ATP8B4: variants seen among roughly 807,000 people sequenced by gnomAD.
ATP8B4 encodes ATPase phospholipid transporting 8B4 (putative), also known as probable phospholipid-transporting ATPase IM.
ATP8B4 carries 133 observed loss-of-function variants against 145.6 expected under a neutral mutation model. The ratio of observed to expected loss-of-function variants is 0.91; its 90% CI spans 0.79 to 1.05. The LOEUF is 1.05. ATP8B4 is among the 50% of genes least tolerant of loss of function. The probability of loss-of-function intolerance (pLI) is 0.00; values close to 1 mark genes in which losing one functional copy is unlikely to be tolerated. For synonymous variants in ATP8B4, 507 were observed against 492.9 expected (o/e 1.03, Z -0.38); for missense variants, 1,458 against 1,425.2 (o/e 1.02, Z -0.37).
intron 1 of ATP8B4, among the ~76,000 whole-genome samples, chr15:50,162,723 G>A (rs1020090223): frequency 6.6e-6 from 1 of 151,730 alleles, no homozygotes; most frequent in Admixed American, 6.6e-5. Flanking sequence ...AGCCAGGATG[G>A]TCTCGATCTC....
intron 14 of ATP8B4, among the ~76,000 whole-genome samples, chr15:49,939,848 T>C (rs1219179897): frequency 6.6e-6 from 1 of 151,934 alleles, no homozygotes; most frequent in East Asian, 1.9e-4. Context: ...AAAACCACAA[T>C]GAGATACCAT....
chr15:50,002,082 T>G, intron 8 of ATP8B4, 71 bp downstream of exon 8: 2 of 1,288,318 alleles, frequency 1.6e-6, no homozygotes, highest in South Asian at 1.3e-5. Context: ...CAAGGTTAAG[T>G]CTTATCTCTA....
At chr15:50,056,697 A>ATG (rs1299967238) in intron 3 of ATP8B4, among the ~76,000 whole-genome samples, 2 of 140,472 alleles carry the variant, frequency 1.4e-5, no homozygotes, top group African/African-American at 3.0e-5. Flanking sequence ...GTATATGTAT[A>ATG]TGTGTATATA....
At chr15:49,943,477 A>C (rs926253340) in intron 14 of ATP8B4, among the ~76,000 whole-genome samples, 4 of 152,188 alleles carry the variant, frequency 2.6e-5, no homozygotes, top group Non-Finnish European at 5.9e-5. Flanking sequence ...GGAAGAGAAA[A>C]GCAACTCATC....
At position 50,010,856 on chromosome 15, in the gene ATP8B4, G is replaced by T. The variant is rs754243975; in HGVS notation, c.424C>A (p.Gln142Lys). The T allele has an allele frequency of 1.3e-6, 2 of 1,554,756 alleles. No homozygotes were observed. Among genetic ancestry groups the T allele is most frequent in the Non-Finnish European group, 1.7e-6 (2 of 1,147,954 alleles). Residue 142 changes from glutamine (Q) to lysine (K), a missense_variant, in exon 7 of 28, where the codon CAA becomes AAA. Gln to Lys is a moderately conservative substitution (Grantham distance 53). Transcript: ENST00000284509. Reference protein sequence around the residue: ...VGDIIKLENNQFVAADLLLLS... With the variant: ...VGDIIKLENNKFVAADLLLLS... ...TATTGAATACTTACAGCAACAAATT[G>T]GTTATTTTCTAATTTAATGATGTCT...
intron 8 of ATP8B4, among the ~76,000 whole-genome samples, chr15:50,001,389 A>G (rs759861269): frequency 1.1e-4 from 17 of 152,206 alleles, no homozygotes; most frequent in African/African-American, 3.9e-4. Flanking sequence ...GAATAGCTCA[A>G]TATGACAATA....
At chr15:49,981,163 A>G in intron 11 of ATP8B4, 43 bp downstream of exon 11, 1 of 1,407,710 alleles carries the variant, frequency 7.1e-7, no homozygotes, top group South Asian at 1.2e-5. Flanking sequence ...TAAATGTACT[A>G]AGATAACAAT....
chr15:49,969,141 T>G (rs545480271), intron 13 of ATP8B4, among the ~76,000 whole-genome samples: 1 of 152,288 alleles, frequency 6.6e-6, no homozygotes, highest in South Asian at 2.1e-4. Flanking sequence ...AGAGGGAAAT[T>G]TATAGCAACA....
chr15:50,010,273 C>T (rs2048631229), intron 7 of ATP8B4, among the ~76,000 whole-genome samples: 2 of 151,508 alleles, frequency 1.3e-5, no homozygotes, highest in African/African-American at 4.9e-5. Context: ...TAGACTAATC[C>T]CTTGAATTTT....
At chr15:50,049,039 G>T (rs917139128) in intron 3 of ATP8B4, among the ~76,000 whole-genome samples, 10 of 152,198 alleles carry the variant, frequency 6.6e-5, no homozygotes, top group Non-Finnish European at 1.5e-4. Context: ...TGCAGAAAAA[G>T]TCCAGCATGA....
intron 14 of ATP8B4, among the ~76,000 whole-genome samples, chr15:49,955,584 G>A (rs901891648): frequency 2.0e-5 from 3 of 152,160 alleles, no homozygotes; most frequent in Admixed American, 1.3e-4. Flanking sequence ...CATGTTCATT[G>A]CAGCATTATC....
chr15:49,876,188 TC>T (rs1566910753), intron 25 of ATP8B4, 89 bp downstream of exon 25: 1 of 1,497,338 alleles, frequency 6.7e-7, no homozygotes. Flanking sequence ...TAGGATTATT[TC>T]CCCCCAACAA....
chr15:50,139,864 G>A (rs925112493), intron 1 of ATP8B4, among the ~76,000 whole-genome samples: 1 of 152,300 alleles, frequency 6.6e-6, no homozygotes, highest in Admixed American at 6.5e-5. Context: ...TGCACAGCAA[G>A]ATGTTTTCTG....
intron 2 of ATP8B4, among the ~76,000 whole-genome samples, chr15:50,101,325 C>T (rs1334009199): frequency 6.6e-6 from 1 of 152,008 alleles, no homozygotes; most frequent in Non-Finnish European, 1.5e-5. Flanking sequence ...ATGTCTACAA[C>T]ATTTGACAAA....
chr15:49,989,144 C>G (rs1368882057), intron 9 of ATP8B4, among the ~76,000 whole-genome samples: 1 of 152,148 alleles, frequency 6.6e-6, no homozygotes, highest in Non-Finnish European at 1.5e-5. Context: ...CTGGTTAGCT[C>G]CGTGATAGCC....
chr15:49,904,922 C>T (rs543096617), intron 20 of ATP8B4, among the ~76,000 whole-genome samples: 12 of 152,278 alleles, frequency 7.9e-5, no homozygotes, highest in African/African-American at 2.4e-4. Flanking sequence ...TAACAAAACA[C>T]GTGATCAATG....
intron 7 of ATP8B4, among the ~76,000 whole-genome samples, chr15:50,006,879 C>T (rs2048339834): frequency 6.6e-6 from 1 of 152,152 alleles, no homozygotes; most frequent in Non-Finnish European, 1.5e-5. Context: ...GAGAAAGGTA[C>T]ACCTGGCTCC....
intron 6 of ATP8B4, among the ~76,000 whole-genome samples, chr15:50,033,557 A>C (rs1314263480): frequency 2.0e-5 from 3 of 152,156 alleles, no homozygotes; most frequent in African/African-American, 7.2e-5. Context: ...CTTATTTTTT[A>C]ATAATTTAAC....
chr15:49,954,517 A>G (rs781115979), intron 14 of ATP8B4, among the ~76,000 whole-genome samples: 7 of 152,224 alleles, frequency 4.6e-5, no homozygotes, highest in Non-Finnish European at 8.8e-5. Flanking sequence ...AAAGTCAGCA[A>G]AGGACATGAA....
Sources: allele counts gnomAD v4.1 joint callset (sites outside exome capture counted in the v4.1 genomes callset), GRCh38; gene constraint gnomAD v4.1.1; transcripts MANE v1.5; gene names NCBI Gene and HGNC (gene_info 2026-07-23, HGNC 2026-07-21).